IL15: variants seen among roughly 807,000 people sequenced by gnomAD.
IL15 encodes the protein interleukin 15.
IL15 carries 11 observed loss-of-function variants against 19.6 expected under a neutral mutation model. The observed-to-expected ratio is 0.56, with a 90% confidence interval of 0.35 to 0.93. IL15 has a LOEUF of 0.93. Ranked by LOEUF, IL15 falls within the 40% of genes least tolerant of loss-of-function variation. IL15 has a pLI of 0.01. For synonymous variants in IL15, 58 were observed against 59.6 expected (o/e 0.97, Z 0.12); for missense variants, 197 against 186.5 (o/e 1.06, Z -0.33).
chr4:141,712,268 C>T (rs899903793), intron 2 of IL15, among the ~76,000 whole-genome samples: 1 of 152,092 alleles, frequency 6.6e-6, no homozygotes, highest in Non-Finnish European at 1.5e-5. Context: ...GAATGAAGTG[C>T]TTTTGAAAAC....
intron 2 of IL15, among the ~76,000 whole-genome samples, chr4:141,678,752 C>T (rs1405868316): frequency 6.6e-6 from 1 of 151,974 alleles, no homozygotes; most frequent in Non-Finnish European, 1.5e-5. Context: ...CAGGCACGTG[C>T]CACCACACCC....
intron 1 of IL15, among the ~76,000 whole-genome samples, chr4:141,655,674 C>T (rs1456757051): frequency 1.3e-5 from 2 of 152,044 alleles, no homozygotes; most frequent in East Asian, 1.9e-4. Flanking sequence ...TTTATACCCC[C>T]GAATCACATA....
chr4:141,721,867 A>G (rs1730093416), intron 4 of IL15, 57 bp from the exon 5 acceptor site: 1 of 1,406,314 alleles, frequency 7.1e-7, no homozygotes, highest in Non-Finnish European at 9.8e-7. Context: ...TGCTTATAGT[A>G]TTCATCAAGA....
At chr4:141,647,823 C>G (rs1366827632) in intron 1 of IL15, among the ~76,000 whole-genome samples, 1 of 152,004 alleles carries the variant, frequency 6.6e-6, no homozygotes, top group African/African-American at 2.4e-5. Flanking sequence ...GACACCTTTC[C>G]TTTGTGTGTT....
chr4:141,689,557 C>G (rs529413536), intron 2 of IL15, among the ~76,000 whole-genome samples: 2 of 151,968 alleles, frequency 1.3e-5, no homozygotes, highest in East Asian at 3.9e-4. Flanking sequence ...ATACAGAGTG[C>G]CGATTGGTGT....
At chr4:141,693,462 G>T (rs1728992141) in intron 2 of IL15, among the ~76,000 whole-genome samples, 1 of 152,158 alleles carries the variant, frequency 6.6e-6, no homozygotes, top group Non-Finnish European at 1.5e-5. Flanking sequence ...ACACATACGG[G>T]ATATTCAGTA....
At position 141,719,451 on chromosome 4, in the gene IL15, C is replaced by T. The variant is rs114965899; in HGVS notation, c.-14C>T. On this transcript the variant is annotated 5_prime_UTR_variant, in exon 3 of 8. Transcript: ENST00000320650. ...TCTTCTTCAATACTTAAGGATTTAC[C>T]GTGGCTTTGAGTAATGAGAATTTCG... The T allele has an allele frequency of 1.7e-3, 1,490 of 901,564 alleles. 13 individuals are homozygous for T. In the African/African-American group the frequency reaches 0.019, roughly 12 times the overall value. The allele number at this position is 901,564 out of a possible 1,614,324, so 55.8% of individuals were successfully genotyped here. A position where few individuals can be genotyped will look rare whatever the true frequency, so the allele number is the denominator to read the frequency against.
chr4:141,666,340 T>G (rs1727985791), intron 2 of IL15, among the ~76,000 whole-genome samples: 1 of 151,772 alleles, frequency 6.6e-6, no homozygotes, highest in South Asian at 2.1e-4. Context: ...AGGAGATCGC[T>G]CCCCACCTTT....
chr4:141,652,649 G>A (rs1727449353), intron 1 of IL15, among the ~76,000 whole-genome samples: 1 of 152,116 alleles, frequency 6.6e-6, no homozygotes, highest in Non-Finnish European at 1.5e-5. Context: ...AGAGATGCCA[G>A]AGGTCTAATC....
intron 2 of IL15, among the ~76,000 whole-genome samples, chr4:141,684,997 A>G (rs1033497032): frequency 1.3e-5 from 2 of 152,052 alleles, no homozygotes; most frequent in African/African-American, 4.8e-5. Context: ...AAATAGTGTA[A>G]GTCAAAACCA....
intron 5 of IL15, among the ~76,000 whole-genome samples, chr4:141,722,405 A>C (rs533580318): frequency 6.6e-6 from 1 of 152,292 alleles, no homozygotes; most frequent in South Asian, 2.1e-4. Context: ...TTTTTGCCAT[A>C]GCAGGTAATA....
chr4:141,720,770 C>T, intron 4 of IL15: 1 of 586,298 alleles, frequency 1.7e-6, no homozygotes, highest in Non-Finnish European at 3.0e-6. Flanking sequence ...TGGTAATAGT[C>T]CAAACAAGCA....
At chr4:141,694,464 A>G (rs1729026874) in intron 2 of IL15, among the ~76,000 whole-genome samples, 1 of 152,210 alleles carries the variant, frequency 6.6e-6, no homozygotes, top group Admixed American at 6.5e-5. Flanking sequence ...TAACCAGGTC[A>G]GATACTTTAT....
At chr4:141,711,298 A>G (rs576133229) in intron 2 of IL15, among the ~76,000 whole-genome samples, 7 of 152,122 alleles carry the variant, frequency 4.6e-5, no homozygotes, top group Admixed American at 6.6e-5. Context: ...TTTTCCAGAA[A>G]TACTTAGCAG....
intron 2 of IL15, among the ~76,000 whole-genome samples, chr4:141,678,839 A>G (rs1375422824): frequency 1.3e-5 from 2 of 152,166 alleles, no homozygotes; most frequent in African/African-American, 2.4e-5. Context: ...TGACCTTGTG[A>G]TCCGCCTGCC....
rs1287321326 is a variant in IL15 at position 141,732,852 on chromosome 4, C to G, written c.*4C>G. ...AATGTTCATCAACACTTCTTGATTG[C>G]AATTGATTCTTTTTAAAGTGTTTCT... On this transcript the variant is annotated 3_prime_UTR_variant, in exon 8 of 8. Transcript: ENST00000320650. 6.2e-7 allele frequency: 1 copy of G among 1,604,758 alleles called. No individual in the cohort carries two copies. Among genetic ancestry groups the G allele is most frequent in the Non-Finnish European group, 8.5e-7 (1 of 1,177,454 alleles).
At chr4:141,709,606 G>A (rs1389635944) in intron 2 of IL15, among the ~76,000 whole-genome samples, 2 of 152,044 alleles carry the variant, frequency 1.3e-5, no homozygotes, top group Non-Finnish European at 2.9e-5. Flanking sequence ...ATCAATGCTA[G>A]CCTTACTGAT....
At chr4:141,692,222 A>G (rs1477165841) in intron 2 of IL15, among the ~76,000 whole-genome samples, 1 of 152,182 alleles carries the variant, frequency 6.6e-6, no homozygotes, top group African/African-American at 2.4e-5. Flanking sequence ...GGCTGCACAA[A>G]GGAGTTGGGC....
At chr4:141,728,456 A>C (rs538067109) in intron 6 of IL15, among the ~76,000 whole-genome samples, 3 of 152,240 alleles carry the variant, frequency 2.0e-5, no homozygotes, top group Admixed American at 2.0e-4. Context: ...ATTATTCTCT[A>C]TGTGAGAAAG....
Sources: gnomAD v4.1 joint callset for allele counts (sites outside exome capture counted in the v4.1 genomes callset) on GRCh38, gnomAD v4.1.1 for gene constraint, MANE v1.5 for transcripts, NCBI Gene and HGNC (gene_info 2026-07-23, HGNC 2026-07-21) for gene names.